CALHM6: variants seen among roughly 807,000 people sequenced by gnomAD.
The protein encoded by CALHM6 is calcium homeostasis modulator family member 6.
A neutral mutation model predicts 12.7 loss-of-function variants in CALHM6; 15 were observed. The ratio of observed to expected loss-of-function variants is 1.18; its 90% CI spans 0.79 to 1.82. The LOEUF (loss-of-function observed/expected upper bound fraction) is 1.82, where lower values mean the gene tolerates loss of function less well. Among genes scored for constraint, CALHM6 ranks in the 40% most tolerant of loss-of-function variants. CALHM6 has a pLI of 0.00. For missense variants in CALHM6, 434 were observed against 421.0 expected, an observed-to-expected ratio of 1.03 and a Z score of -0.27; for synonymous variants, 212 against 193.7, an observed-to-expected ratio of 1.09 and a Z score of -0.78.
At chr6:116,463,161 A>G in intron 2 of CALHM6, 122 bp from the exon 3 acceptor site, 1 of 931,274 alleles carries the variant, frequency 1.1e-6, no homozygotes, top group Non-Finnish European at 1.6e-6. Context: ...AGGAATTAAG[A>G]CCTAAAACTG....
intron 2 of CALHM6, 62 bp downstream of exon 2, chr6:116,462,516 C>T: frequency 1.6e-6 from 2 of 1,265,300 alleles, no homozygotes; most frequent in Non-Finnish European, 2.1e-6. Flanking sequence ...CTCAGGGCCG[C>T]TGGGGTGAGG....
Position 116,463,329 on chromosome 6 carries a change from T to A in CALHM6, c.572T>A (p.Ile191Asn), listed in dbSNP as rs757398024. The A allele has an allele frequency of 2.5e-5, 41 of 1,613,926 alleles. No individual in the cohort carries two copies. Among genetic ancestry groups the A allele is most frequent in the Non-Finnish European group, 3.5e-5 (41 of 1,180,004 alleles). Reference sequence around the variant, plus strand: ...GCAGTTGTTATCATCATTCTTCTGATTTTTACATCTGTCACCCGATGCCTA... The same window carrying A: ...GCAGTTGTTATCATCATTCTTCTGAATTTTACATCTGTCACCCGATGCCTA... Reference protein sequence around the residue: ...LIAVVIIILLIFTSVTRCLSP... With the variant: ...LIAVVIIILLNFTSVTRCLSP... The change falls in exon 3 of 3, where the codon ATT (isoleucine) becomes AAT (asparagine). Residue 191 changes from isoleucine to asparagine, a missense_variant. Coordinates refer to ENST00000368605, the MANE Select transcript of CALHM6 (RefSeq NM_001010919.3).
intron 2 of CALHM6, among the ~76,000 whole-genome samples, 163 bp from the exon 3 acceptor site, chr6:116,463,119 GC>G (rs1413502725): frequency 6.6e-6 from 1 of 152,206 alleles, no homozygotes; most frequent in African/African-American, 2.4e-5. Flanking sequence ...GTACTGGGGG[GC>G]TAGGGAGGTT....
Position 116,461,838 on chromosome 6 carries a change from G to A in CALHM6, c.-58-34G>A, listed in dbSNP as rs1784775484. 5.6e-6 allele frequency: 7 copies of A among 1,240,398 alleles called. No homozygotes were observed. The African/African-American group carries it at 6.3e-5, about 11-fold the overall frequency. The allele number at this position is 1,240,398 out of a possible 1,614,324, so 76.8% of individuals were successfully genotyped here. A position where few individuals can be genotyped will look rare whatever the true frequency, so the allele number is the denominator to read the frequency against. ...TGCTTCTCGCAGAGTGGAAAGCCCC[G>A]GTCCCCATCCCACCAAAACCATTTG... is the stretch of plus-strand genomic sequence containing the variant. On this transcript the variant is annotated intron_variant, in intron 1 of 2. Coordinates refer to ENST00000368605, the MANE Select transcript of CALHM6 (RefSeq NM_001010919.3).
In CALHM6 at chr6:116,461,393, A is replaced by C; in HGVS notation, c.-95A>C. The C allele has an allele frequency of 6.5e-7, 1 of 1,550,290 alleles. No individual in the cohort carries two copies. The highest frequency in any genetic ancestry group is 1.7e-4 in the Middle Eastern group (1 of 5,992). On this transcript the variant is annotated 5_prime_UTR_variant, in exon 1 of 3. Transcript: ENST00000368605. The stretch of plus-strand genomic sequence containing the variant: ...GGACTTTGCTGATTTAGCTTATGGA[A>C]GAGGAACCAGAAATTTGTCCTTGAA...
Position 116,461,890 on chromosome 6 carries a change from G to C in CALHM6, c.-40G>C. ...CAAGCAGGACAACGAAGAGGCAGAA[G>C]GATCTGGGCCTGTGCGCGACGCCCC... On this transcript the variant is annotated 5_prime_UTR_variant, in exon 2 of 3. Coordinates refer to ENST00000368605, the MANE Select transcript of CALHM6 (RefSeq NM_001010919.3). The C allele has an allele frequency of 6.9e-7, 1 of 1,443,514 alleles. No homozygotes were observed. The highest frequency in any genetic ancestry group is 1.4e-5 in the South Asian group (1 of 69,528). The allele number at this position is 1,443,514 out of a possible 1,614,324, so 89.4% of individuals were successfully genotyped here.
At chr6:116,461,802 AAAAAAAAG>A in intron 1 of CALHM6, 62 bp from the exon 2 acceptor site, 2 of 1,097,982 alleles carry the variant, frequency 1.8e-6, no homozygotes, top group Non-Finnish European at 1.2e-6. Flanking sequence ...TAAAAAAAAA[AAAAAAAAG>A]GCTGCTTCTC....
Position 116,462,291 on chromosome 6 carries a change from G to A in CALHM6, c.362G>A (p.Gly121Asp). 3 of 1,412,522 alleles carry A rather than the reference G, an allele frequency of 2.1e-6. No homozygotes were observed. Among genetic ancestry groups the A allele is most frequent in the South Asian group, 1.5e-5 (1 of 66,458 alleles). 87.5% of individuals were successfully genotyped at this position (1,412,522 alleles called of 1,614,324 possible). A position where few individuals can be genotyped will look rare whatever the true frequency, so the allele number is the denominator to read the frequency against. Residue 121 changes from glycine to aspartate, a missense_variant, in exon 2 of 3, where the codon GGC becomes GAC. Transcript: ENST00000368605. ...TGGGTGGCCGTGGCGCTGCTCGGGG[G>A]CGCCTTTTACGAGTGCGCGGCCACC... The part of the protein sequence containing the change: ...LTWVAVALLG[G>D]AFYECAATGS...
rs570204922 is a variant in CALHM6, at chr6:116,462,130, C to T, written c.201C>T (p.Gly67=). 3.3e-6 allele frequency: 5 copies of T among 1,535,682 alleles called. No homozygotes were observed. The highest frequency in any genetic ancestry group is 4.4e-6 in the Non-Finnish European group (5 of 1,142,982). Residue 67 remains glycine, a synonymous_variant, in exon 2 of 3, where the codon GGC becomes GGT. Transcript: ENST00000368605. The stretch of plus-strand genomic sequence containing the variant: ...CGGCGCTCGCGCTCTTCCTCCTGGG[C>T]TACGTGCTGAGCGCACGCACGTGGC... ...LVPALALFLL[G]YVLSARTWRL... is the part of the protein sequence containing the mutation.
In CALHM6 at chr6:116,462,094, C is replaced by T. The variant is rs574866179; in HGVS notation, c.165C>T (p.Phe55=). The change falls in exon 2 of 3, where the codon TTC becomes TTT. Residue 55 remains phenylalanine (F), a synonymous_variant. Transcript: ENST00000368605. The part of the protein sequence containing the change: ...AAWNLPYGLV[F]LLVPALALFL... The stretch of plus-strand genomic sequence containing the variant: ...GGAACCTGCCCTACGGCCTGGTCTT[C>T]TTGCTGGTGCCGGCGCTCGCGCTCT... The T allele has an allele frequency of 3.2e-5, 49 of 1,544,810 alleles. No individual in the cohort carries two copies. In the South Asian group the frequency reaches 5.5e-4, roughly 17 times the overall value.
chr6:116,463,525 G>C lies in CALHM6; in HGVS notation c.768G>C (p.Glu256Asp). 1 of 1,614,172 alleles carries C rather than the reference G, an allele frequency of 6.2e-7. No individual in the cohort carries two copies. Among genetic ancestry groups the C allele is most frequent in the Non-Finnish European group, 8.5e-7 (1 of 1,180,024 alleles). The part of the protein sequence containing the change: ...PKEYNTPSMK[E>D]WQQISSLYTF... ...AATATAACACTCCAAGCATGAAAGA[G>C]TGGCAGCAAATTTCATCACTGTATA... Residue 256 changes from glutamate (E) to aspartate (D), a missense_variant, in exon 3 of 3, where the codon GAG becomes GAC. By Grantham distance (45) the Glu-to-Asp change is conservative (BLOSUM62 2). Transcript: ENST00000368605.
Position 116,462,412 on chromosome 6 carries a change from G to C in CALHM6, c.483G>C (p.Ser161=), listed in dbSNP as rs932498644. 5.3e-5 allele frequency: 79 copies of C among 1,494,620 alleles called. No individual in the cohort carries two copies. The highest frequency in any genetic ancestry group is 4.3e-4 in the Middle Eastern group (2 of 4,652). The allele number at this position is 1,494,620 out of a possible 1,614,324, so 92.6% of individuals were successfully genotyped here. ...PLVPCNQAKA[S]DVQDLLKDLK... Reference sequence around the variant, plus strand: ...TGCCGTGCAACCAGGCCAAGGCGTCGGACGTGCAGGACCTCCTGAAGGATC... The same window carrying C: ...TGCCGTGCAACCAGGCCAAGGCGTCCGACGTGCAGGACCTCCTGAAGGATC... Residue 161 remains serine (S), a synonymous_variant, in exon 2 of 3, where the codon TCG becomes TCC. Transcript: ENST00000368605.
chr6:116,461,789 CT>C, intron 1 of CALHM6, 82 bp from the exon 2 acceptor site: 16 of 615,390 alleles, frequency 2.6e-5, no homozygotes, highest in South Asian at 9.3e-5. Context: ...GCCCTCTTCC[CT>C]TTAAAAAAAA....
At chr6:116,461,838 G>T in intron 1 of CALHM6, 34 bp from the exon 2 acceptor site, 1 of 1,240,398 alleles carries the variant, frequency 8.1e-7, no homozygotes, top group Non-Finnish European at 1.1e-6. Flanking sequence ...GGAAAGCCCC[G>T]GTCCCCATCC....
rs1274248510 is a variant in CALHM6, at chr6:116,462,286, C to T, written c.357C>T (p.Leu119=). 7.1e-7 allele frequency: 1 copy of T among 1,404,862 alleles called. No individual in the cohort carries two copies. Among genetic ancestry groups the T allele is most frequent in the Non-Finnish European group, 9.2e-7 (1 of 1,086,532 alleles). 87.0% of individuals were successfully genotyped at this position (1,404,862 alleles called of 1,614,324 possible). A position where few individuals can be genotyped will look rare whatever the true frequency, so the allele number is the denominator to read the frequency against. Residue 119 remains leucine (L), a synonymous_variant, in exon 2 of 3, where the codon CTC becomes CTT. Coordinates refer to ENST00000368605, the MANE Select transcript of CALHM6 (RefSeq NM_001010919.3). ...TCACCTGGGTGGCCGTGGCGCTGCT[C>T]GGGGGCGCCTTTTACGAGTGCGCGG... is the stretch of plus-strand genomic sequence containing the variant. ...APLTWVAVAL[L]GGAFYECAAT...
At chr6:116,462,771 A>G (rs768496069) in intron 2 of CALHM6, among the ~76,000 whole-genome samples, 1 of 152,130 alleles carries the variant, frequency 6.6e-6, no homozygotes, top group Non-Finnish European at 1.5e-5. Flanking sequence ...GTCTCACAAC[A>G]GCTCTGTTGG....
rs1257786260 is a variant in CALHM6 at position 116,463,219 on chromosome 6, G to A, written c.526-64G>A. 96 of 1,478,690 alleles carry A rather than the reference G, an allele frequency of 6.5e-5. 1 individual carries two copies. The East Asian group carries it at 2.2e-3, about 33-fold the overall frequency. 91.6% of individuals were successfully genotyped at this position (1,478,690 alleles called of 1,614,324 possible). On this transcript the variant is annotated intron_variant, in intron 2 of 2. Transcript: ENST00000368605. ...GGCGAGTAGTTGAAACTTTATCTGA[G>A]GATTTTTAAATTTCTTGTAAAAAAC...
At position 116,463,376 on chromosome 6, in the gene CALHM6, C is replaced by A; in HGVS notation, c.619C>A (p.Leu207Met). Residue 207 changes from leucine (L) to methionine (M), a missense_variant, in exon 3 of 3, where the codon CTG becomes ATG. Leu to Met is a conservative substitution (Grantham distance 15). Transcript: ENST00000368605. The stretch of plus-strand genomic sequence containing the variant: ...CCTATCTCCAGTTAGTTTTCTGCAG[C>A]TGAAATTCTGGAAAATCTATTTGGA... ...RCLSPVSFLQ[L>M]KFWKIYLEQE... 6.2e-7 allele frequency: 1 copy of A among 1,614,088 alleles called. No homozygotes were observed. The highest frequency in any genetic ancestry group is 8.5e-7 in the Non-Finnish European group (1 of 1,180,008).
In CALHM6 at chr6:116,463,467, T is replaced by A. The variant is rs1407029046; in HGVS notation, c.710T>A (p.Ile237Asn). 1 of 1,614,152 alleles carries A rather than the reference T, an allele frequency of 6.2e-7. No homozygotes were observed. The highest frequency in any genetic ancestry group is 8.5e-7 in the Non-Finnish European group (1 of 1,180,022). Residue 237 changes from isoleucine (I) to asparagine (N), a missense_variant, in exon 3 of 3, where the codon ATT (isoleucine) becomes AAT (asparagine). Ile to Asn is a moderately radical substitution (Grantham distance 149, BLOSUM62 -3). Coordinates refer to ENST00000368605, the MANE Select transcript of CALHM6 (RefSeq NM_001010919.3). ...EHATELAKEN[I>N]KCFFEGSHPK... The stretch of plus-strand genomic sequence containing the variant: ...GCAACTGAATTGGCAAAAGAGAATA[T>A]TAAATGTTTCTTTGAGGGCTCGCAT...
Sources: allele counts gnomAD v4.1 joint callset (sites outside exome capture counted in the v4.1 genomes callset), GRCh38; gene constraint gnomAD v4.1.1; transcripts MANE v1.5; gene names NCBI Gene and HGNC (gene_info 2026-07-23, HGNC 2026-07-21).